The following MAMSTR variants were observed in gnomAD, a reference collection of about 807,000 sequenced individuals.
The protein encoded by MAMSTR is MEF2 activating motif and SAP domain containing transcriptional regulator.
MAMSTR carries 41 observed loss-of-function variants against 42.7 expected under a neutral mutation model. That is an observed-to-expected ratio of 0.96 (90% CI 0.75 to 1.25). The LOEUF is 1.25. Among genes scored for constraint, MAMSTR ranks in the 50% most tolerant of loss-of-function variants. The probability of loss-of-function intolerance (pLI) is 0.00; values close to 1 mark genes in which losing one functional copy is unlikely to be tolerated. For missense variants in MAMSTR, 567 were observed against 557.6 expected, an observed-to-expected ratio of 1.02 and a Z score of -0.17; for synonymous variants, 265 against 244.1, an observed-to-expected ratio of 1.09 and a Z score of -0.80.
At position 48,714,384 on chromosome 19, in the gene MAMSTR, G is replaced by A; in HGVS notation, c.705C>T (p.Ala235=). The change falls in exon 7 of 10, where the codon GCC becomes GCT. Residue 235 remains alanine, a synonymous_variant. Coordinates refer to ENST00000318083, the MANE Select transcript of MAMSTR (RefSeq NM_001130915.2). Reference sequence around the variant, plus strand: ...CCCTCACCGAGCCCTGACGCCGGGCGGCTGCCAGGGCCTTGGGCTTGAGGC... The same window carrying A: ...CCCTCACCGAGCCCTGACGCCGGGCAGCTGCCAGGGCCTTGGGCTTGAGGC... ...WPRLKPKALA[A]ARRQGSVKPS... 1 of 1,366,730 alleles carries A rather than the reference G, an allele frequency of 7.3e-7. No homozygotes were observed. Among genetic ancestry groups the A allele is most frequent in the Non-Finnish European group, 9.4e-7 (1 of 1,066,720 alleles). 84.7% of individuals were successfully genotyped at this position (1,366,730 alleles called of 1,614,324 possible). A position where few individuals can be genotyped will look rare whatever the true frequency, so the allele number is the denominator to read the frequency against.
chr19:48,713,791 C>T (rs2032835460), intron 8 of MAMSTR, 21 bp from the exon 9 acceptor site: 5 of 1,614,216 alleles, frequency 3.1e-6, no homozygotes, highest in Non-Finnish European at 4.2e-6. Context: ...AGAAATTTGG[C>T]GTGAACTCGG....
downstream of MAMSTR, among the ~76,000 whole-genome samples, chr19:48,712,000 C>G (rs1413617502): frequency 6.6e-6 from 1 of 152,114 alleles, no homozygotes; most frequent in Non-Finnish European, 1.5e-5. Context: ...TCGTGATCCG[C>G]CCACCTTGGC....
rs1300310379 is a variant in MAMSTR at position 48,719,507 on chromosome 19, G to A, written c.-22+172C>T. Among the ~76,000 whole-genome samples, 3 of 152,176 alleles carry A rather than the reference G, an allele frequency of 2.0e-5. No individual in the cohort carries two copies. Among genetic ancestry groups the A allele is most frequent in the African/African-American group, 7.2e-5 (3 of 41,442 alleles). On this transcript the variant is annotated intron_variant, in intron 1 of 9. Transcript: ENST00000318083. This position sits in a 1 kb window ranked among gnomAD's most constrained non-coding sequence, Gnocchi z 4.4. ...GAATCCAAGATCCTGGGTGGAGAGG[G>A]GAACGGGGCCCTGACAGGTTTCTGA...
rs12979278 is a variant in MAMSTR, at chr19:48,715,345, C to T, written c.342G>A (p.Ala114=). 0.49 allele frequency: 757,242 copies of T among 1,552,930 alleles called. 197,754 individuals are homozygous for T. Among genetic ancestry groups the T allele is most frequent in the Non-Finnish European group, 0.54 (624,313 of 1,158,414 alleles). The change falls in exon 5 of 10, where the codon GCG becomes GCA. Residue 114 remains alanine (A), a synonymous_variant. Transcript: ENST00000318083. ...GGGCGGACCCCTCGGCTTGGGGGTC[C>T]GCCCTGGATCCCTGTCTCGGCTCTG... The part of the protein sequence containing the change: ...MPPEPRQGSR[A]DPQAEGSALG...
downstream of MAMSTR, among the ~76,000 whole-genome samples, chr19:48,710,335 G>A (rs1221698692): frequency 2.1e-5 from 3 of 146,274 alleles, no homozygotes; most frequent in Non-Finnish European, 3.0e-5. Flanking sequence ...GGCTGGTCTC[G>A]AACTTCTGAC....
chr19:48,717,341 G>T (rs763233164), intron 2 of MAMSTR, among the ~76,000 whole-genome samples: 1 of 151,342 alleles, frequency 6.6e-6, no homozygotes, highest in Admixed American at 6.6e-5. Flanking sequence ...TAGAGACAAG[G>T]TCTCACTCTG....
In MAMSTR at chr19:48,713,232, C is replaced by T; in HGVS notation, c.*35G>A. 1 of 1,543,212 alleles carries T rather than the reference C, an allele frequency of 6.5e-7. No homozygotes were observed. The highest frequency in any genetic ancestry group is 2.3e-5 in the East Asian group (1 of 43,576). ...CCCACAAGGAGCTTCTCTCCACCCCCATCAGTTCTCTGTCTCTGTAAATCC... is the reference window on the plus strand; with the variant it reads ...CCCACAAGGAGCTTCTCTCCACCCCTATCAGTTCTCTGTCTCTGTAAATCC... On this transcript the variant is annotated 3_prime_UTR_variant, in exon 10 of 10. Coordinates refer to ENST00000318083, the MANE Select transcript of MAMSTR (RefSeq NM_001130915.2).
chr19:48,711,073 C>T (rs1327511623), downstream of MAMSTR, among the ~76,000 whole-genome samples: 1 of 152,122 alleles, frequency 6.6e-6, no homozygotes, highest in East Asian at 1.9e-4. Context: ...GTGAGCATGT[C>T]CCTGATATTC....
chr19:48,706,307 T>C, the MAMSTR span, among the ~76,000 whole-genome samples: 1 of 121,620 alleles, frequency 8.2e-6, no homozygotes, highest in Non-Finnish European at 1.8e-5. Flanking sequence ...AAAAAATTCT[T>C]AAGAGTAGAT....
intron 3 of MAMSTR, 130 bp downstream of exon 3, chr19:48,716,575 T>C (rs1475013401): frequency 9.8e-7 from 1 of 1,015,378 alleles, no homozygotes; most frequent in Non-Finnish European, 1.3e-6. Context: ...CAGGATGGGA[T>C]TTTGGTCTGT....
At chr19:48,717,897 G>A (rs1285426861) in intron 2 of MAMSTR, among the ~76,000 whole-genome samples, 1 of 152,126 alleles carries the variant, frequency 6.6e-6, no homozygotes, top group African/African-American at 2.4e-5. Flanking sequence ...TAGAGATGGG[G>A]TTTCACCGTG....
chr19:48,714,533 G>A lies in MAMSTR; in HGVS notation c.556C>T (p.Leu186=). 6.9e-7 allele frequency: 1 copy of A among 1,458,356 alleles called. No homozygotes were observed. Among genetic ancestry groups the A allele is most frequent in the Non-Finnish European group, 8.9e-7 (1 of 1,117,866 alleles). The allele number at this position is 1,458,356 out of a possible 1,614,324, so 90.3% of individuals were successfully genotyped here. A position where few individuals can be genotyped will look rare whatever the true frequency, so the allele number is the denominator to read the frequency against. ...TVSELRQQLR[L]RGLPVSGTKS... Reference sequence around the variant, plus strand: ...GTCCCCGACACTGGGAGGCCCCGCAGGCGCAGCTGCTGCCGGAGCTCTGAG... The same window carrying A: ...GTCCCCGACACTGGGAGGCCCCGCAAGCGCAGCTGCTGCCGGAGCTCTGAG... The change falls in exon 7 of 10, where the codon CTG becomes TTG. Residue 186 remains leucine (L), a synonymous_variant. Coordinates refer to ENST00000318083, the MANE Select transcript of MAMSTR (RefSeq NM_001130915.2).
chr19:48,714,737 T>A, intron 6 of MAMSTR, 69 bp downstream of exon 6: 1 of 1,373,598 alleles, frequency 7.3e-7, no homozygotes, highest in Non-Finnish European at 1.0e-6. Context: ...GGGCAGAGGC[T>A]GCGGGGTTGG....
In MAMSTR at chr19:48,715,393, C is replaced by A; in HGVS notation, c.294G>T (p.Leu98Phe). 1 of 1,522,096 alleles carries A rather than the reference C, an allele frequency of 6.6e-7. No individual in the cohort carries two copies. Among genetic ancestry groups the A allele is most frequent in the Non-Finnish European group, 8.8e-7 (1 of 1,141,566 alleles). 94.3% of individuals were successfully genotyped at this position (1,522,096 alleles called of 1,614,324 possible). The change falls in exon 5 of 10, where the codon TTG (leucine) becomes TTT (phenylalanine). Residue 98 changes from leucine (L) to phenylalanine (F), a missense_variant. Coordinates refer to ENST00000318083, the MANE Select transcript of MAMSTR (RefSeq NM_001130915.2). ...RWRESKPRGNLTYHQYMPPEP... is the reference protein window; with the variant it reads ...RWRESKPRGNFTYHQYMPPEP... ...CTGGGGGCATGTACTGGTGGTATGT[C>A]AAGTTCCCCCTGGGCTTGGACTCCC...
Position 48,716,724 on chromosome 19 carries a change from G to A in MAMSTR, c.78C>T (p.His26=). ...ACTTACTCTGCTCCTGATTCCGTCT[G>A]TGGATCCGAAGCTGGAGGACTGTGG... is the stretch of plus-strand genomic sequence containing the variant. ...KFRSVLQLRI[H]RRNQEQISDP... is the part of the protein sequence containing the mutation. Residue 26 remains histidine (H), a synonymous_variant, in exon 3 of 10, where the codon CAC becomes CAT. Transcript: ENST00000318083. The A allele has an allele frequency of 7.4e-7, 1 of 1,342,774 alleles. No individual in the cohort carries two copies. Among genetic ancestry groups the A allele is most frequent in the Non-Finnish European group, 9.6e-7 (1 of 1,036,816 alleles). The allele number at this position is 1,342,774 out of a possible 1,614,324, so 83.2% of individuals were successfully genotyped here.
chr19:48,712,398 G>A (rs1231061841), downstream of MAMSTR, among the ~76,000 whole-genome samples: 1 of 151,578 alleles, frequency 6.6e-6, no homozygotes, highest in Non-Finnish European at 1.5e-5. Context: ...GTTTCTCCTG[G>A]GAACATTTCT....
At position 48,712,932 on chromosome 19, in the gene MAMSTR, G is replaced by A; in HGVS notation, c.*335C>T. ...TCCAAAAGGCATAACCACCTTCCAG[G>A]CTCCCCAAACAACAGGGAGCCATCT... On this transcript the variant is annotated 3_prime_UTR_variant, in exon 10 of 10. Coordinates refer to ENST00000318083, the MANE Select transcript of MAMSTR (RefSeq NM_001130915.2). 4.4e-6 allele frequency: 1 copy of A among 225,426 alleles called. No homozygotes were observed. The highest frequency in any genetic ancestry group is 1.3e-4 in the South Asian group (1 of 7,748). 14.0% of individuals were successfully genotyped at this position (225,426 alleles called of 1,614,324 possible).
At chr19:48,708,181 C>G (rs1251092930), downstream of MAMSTR, among the ~76,000 whole-genome samples, 1 of 147,770 alleles carries the variant, frequency 6.8e-6, no homozygotes, top group African/African-American at 2.5e-5. Flanking sequence ...TTGCGGTGAG[C>G]CGAGATCATG....
In MAMSTR at chr19:48,713,533, G is replaced by A. The variant is rs1051353987; in HGVS notation, c.982C>T (p.Pro328Ser). Residue 328 changes from proline to serine, a missense_variant, in exon 10 of 10, where the codon CCC becomes TCC. Pro to Ser is a moderately conservative substitution (Grantham distance 74). Transcript: ENST00000318083. The stretch of plus-strand genomic sequence containing the variant: ...TCGAAGGAGCCAGGGAAGTCCAGGG[G>A]AATAGGGGGCAGGGGGTCTGCGGGA... ...VEPDDPLPPI[P>S]LDFPGSFDVL... is the part of the protein sequence containing the mutation. 5.6e-6 allele frequency: 9 copies of A among 1,611,692 alleles called. No individual in the cohort carries two copies. Among genetic ancestry groups the A allele is most frequent in the Non-Finnish European group, 7.6e-6 (9 of 1,179,240 alleles).
Sources: allele counts gnomAD v4.1 joint callset (sites outside exome capture counted in the v4.1 genomes callset), GRCh38; gene constraint gnomAD v4.1.1; non-coding constraint Gnocchi (gnomAD v3.1); transcripts MANE v1.5; gene names NCBI Gene and HGNC (gene_info 2026-07-23, HGNC 2026-07-21).